NEB: variants seen among roughly 807,000 people sequenced by gnomAD.
NEB encodes the protein nemaline myopathy type 2.
Under a neutral mutation model 952.2 loss-of-function variants are expected in NEB, and 512 were observed. The observed-to-expected ratio is 0.54, with a 90% CI of 0.50 to 0.58. NEB has a LOEUF of 0.58. Among genes scored for constraint, NEB ranks in the 20% least tolerant of loss-of-function variants. NEB has a pLI of 0.00. For synonymous variants in NEB, 2,900 were observed against 3,149.8 expected, an observed-to-expected ratio of 0.92 and a Z score of 2.66; for missense variants, 8,428 against 9,231.1, an observed-to-expected ratio of 0.91 and a Z score of 3.56.
intron 56 of NEB, 63 bp downstream of exon 56, chr2:151,644,405 T>C (rs548977523): frequency 3.5e-6 from 5 of 1,441,414 alleles, no homozygotes; most frequent in East Asian, 4.6e-5. Flanking sequence ...TAAAATTAAA[T>C]TGAGACTGCT....
chr2:151,497,634 T>C lies in NEB; in HGVS notation c.24292A>G (p.Ile8098Val), dbSNP rs564643938. 3.8e-6 allele frequency: 6 copies of C among 1,574,940 alleles called. No homozygotes were observed. The highest frequency in any genetic ancestry group is 1.7e-4 in the Middle Eastern group (1 of 6,018). The change falls in exon 171 of 182, where the codon ATT (isoleucine) becomes GTT (valine). Residue 8098 changes from isoleucine (I) to valine (V), a missense_variant. By Grantham distance (29) the Ile-to-Val change is conservative. Around this residue, in one of 11 missense-constraint regions of NEB, gnomAD observed 3,374 missense variants for 3,651.5 expected, o/e 0.92. Transcript: ENST00000397345. ...MERVKHNQENISSVLYKENMG... is the reference protein window; with the variant it reads ...MERVKHNQENVSSVLYKENMG... The stretch of plus-strand genomic sequence containing the variant: ...TTTTCTTGCCAAAGTACCGAGCTAA[T>C]ATTTTCTTGATTGTGTTTGACTCTT...
At chr2:151,621,071 C>T (rs377374622) in intron 71 of NEB, 45 bp from the exon 72 acceptor site, 5 of 1,463,768 alleles carry the variant, frequency 3.4e-6, no homozygotes, top group African/African-American at 2.8e-5. Flanking sequence ...TTCACATTCA[C>T]TCGAAAAGTA....
intron 170 of NEB, 172 bp from the exon 171 acceptor site, chr2:151,497,890 C>A: frequency 6.7e-7 from 1 of 1,487,982 alleles, no homozygotes; most frequent in Non-Finnish European, 8.9e-7. Flanking sequence ...AATCTGCACC[C>A]TCTAGAGAAG....
intron 27 of NEB, among the ~76,000 whole-genome samples, chr2:151,686,602 C>T (rs1211792727): frequency 6.6e-6 from 1 of 151,874 alleles, no homozygotes; most frequent in Non-Finnish European, 1.5e-5. Flanking sequence ...AGAATAGATG[C>T]AAAATGAATT....
In NEB at chr2:151,540,465, G is replaced by T. The variant is rs1490368645; in HGVS notation, c.20788-17C>A. On this transcript the variant is annotated splice_polypyrimidine_tract_variant and intron_variant, in intron 137 of 181. Transcript: ENST00000397345. Reference sequence around the variant, plus strand: ...GTACTTTTTCTGAGAAATAAATGCAGAAGAGAGAGACAAGCTTAAGTGTCT... The same window carrying T: ...GTACTTTTTCTGAGAAATAAATGCATAAGAGAGAGACAAGCTTAAGTGTCT... 1 of 1,525,336 alleles carries T rather than the reference G, an allele frequency of 6.6e-7. No homozygotes were observed. Among genetic ancestry groups the T allele is most frequent in the East Asian group, 2.4e-5 (1 of 41,010 alleles). The allele number at this position is 1,525,336 out of a possible 1,614,324, so 94.5% of individuals were successfully genotyped here. A position where few individuals can be genotyped will look rare whatever the true frequency, so the allele number is the denominator to read the frequency against.
At chr2:151,655,762 G>C in intron 50 of NEB, 55 bp downstream of exon 50, 1 of 1,562,396 alleles carries the variant, frequency 6.4e-7, no homozygotes, top group Non-Finnish European at 8.8e-7. Context: ...AAGAACCAGA[G>C]CCTGCTAGCC....
intron 23 of NEB, 23 bp downstream of exon 23, chr2:151,691,841 A>G (rs1460419760): frequency 1.1e-5 from 16 of 1,520,806 alleles, no homozygotes; most frequent in Non-Finnish European, 1.1e-5. Flanking sequence ...CTCAATTTCA[A>G]TAATTCAGGG....
Position 151,565,536 on chromosome 2 carries a change from C to T in NEB, c.18331G>A (p.Val6111Ile). The change falls in exon 116 of 182, where the codon GTT (valine) becomes ATT (isoleucine). Residue 6111 changes from valine to isoleucine, a missense_variant. Transcript: ENST00000397345. The part of the protein sequence containing the change: ...FRSVVDPPEI[V>I]LAKINSVNQS... ...TTGACAGAATTAATCTTGGCTAAAA[C>T]AATCTCTGGAGGATCCACCACACTT... is the stretch of plus-strand genomic sequence containing the variant. The T allele has an allele frequency of 1.2e-6, 2 of 1,601,694 alleles. No individual in the cohort carries two copies. The highest frequency in any genetic ancestry group is 1.7e-4 in the Middle Eastern group (1 of 6,036).
Position 151,569,286 on chromosome 2 carries a change from G to A in NEB, c.17517C>T (p.Ala5839=), listed in dbSNP as rs369433731. The change falls in exon 110 of 182, where the codon GCC becomes GCT. Residue 5839 remains alanine, a synonymous_variant. Transcript: ENST00000397345. ...DSVSVNHAKH[A]ADIFSEKKYR... The stretch of plus-strand genomic sequence containing the variant: ...GGAATACCTCACTGAAGATGTCCGC[G>A]GCATGTTTGGCATGATTGACGGACA... 2.3e-5 allele frequency: 37 copies of A among 1,613,648 alleles called. 1 individual carries two copies. Among genetic ancestry groups the A allele is most frequent in the African/African-American group, 2.3e-4 (17 of 74,894 alleles).
chr2:151,577,353 G>T (rs1315714341), intron 105 of NEB, among the ~76,000 whole-genome samples: 2 of 152,092 alleles, frequency 1.3e-5, no homozygotes, highest in African/African-American at 4.8e-5. Context: ...AGTCTCATCA[G>T]CCCTCTTTGC....
chr2:151,569,179 T>C, intron 110 of NEB, 89 bp downstream of exon 110: 2 of 1,056,680 alleles, frequency 1.9e-6, no homozygotes, highest in South Asian at 2.7e-5. Flanking sequence ...TGGTTAAGAT[T>C]GCTGATATTA....
At chr2:151,518,059 G>A (rs531545323) in intron 156 of NEB, among the ~76,000 whole-genome samples, 10 of 152,010 alleles carry the variant, frequency 6.6e-5, no homozygotes, top group Non-Finnish European at 1.3e-4. Context: ...TACCATGAGG[G>A]GTTTGTCCCC....
In NEB at chr2:151,500,352, A is replaced by G. The variant is rs189366071; in HGVS notation, c.24022-962T>C. Among the ~76,000 whole-genome samples, 437 of 152,268 alleles carry G rather than the reference A, an allele frequency of 2.9e-3. 2 individuals are homozygous for G. Among genetic ancestry groups the G allele is most frequent in the African/African-American group, 0.01 (418 of 41,564 alleles). ...AAAATCCATCTAAATTTTCCTAATG[A>G]CATTTGATTCTCCATCACAGGTATA... On this transcript the variant is annotated intron_variant, in intron 168 of 181. Transcript: ENST00000397345.
At chr2:151,643,696 T>C in intron 57 of NEB, 122 bp downstream of exon 57, 1 of 1,445,224 alleles carries the variant, frequency 6.9e-7, no homozygotes, top group Non-Finnish European at 9.3e-7. Flanking sequence ...TCTGGGTGAC[T>C]AGATGCGCTT....
intron 26 of NEB, 24 bp from the exon 27 acceptor site, chr2:151,687,556 G>T (rs1350355461): frequency 6.2e-7 from 1 of 1,612,502 alleles, no homozygotes; most frequent in South Asian, 1.1e-5. Context: ...ACACATGCCA[G>T]ATCCCACTCA....
At chr2:151,687,339 T>C in intron 27 of NEB, 80 bp downstream of exon 27, 3 of 1,231,040 alleles carry the variant, frequency 2.4e-6, no homozygotes, top group Non-Finnish European at 3.5e-6. Context: ...GCTCATGAAA[T>C]TCTTTTCCAC....
At chr2:151,702,742 A>T (rs968785920) in intron 13 of NEB, among the ~76,000 whole-genome samples, 6 of 151,692 alleles carry the variant, frequency 4.0e-5, no homozygotes, top group Non-Finnish European at 8.8e-5. Flanking sequence ...CCATCCTTTT[A>T]TTTTGAGCCT....
intron 181 of NEB, among the ~76,000 whole-genome samples, chr2:151,489,597 A>G (rs558580429): frequency 1.5e-4 from 23 of 152,186 alleles, no homozygotes; most frequent in African/African-American, 4.3e-4. Flanking sequence ...AAGTCTCACT[A>G]TGTTGCCTAG....
At chr2:151,517,731 T>G (rs1303423961) in intron 156 of NEB, among the ~76,000 whole-genome samples, 1 of 152,190 alleles carries the variant, frequency 6.6e-6, no homozygotes, top group East Asian at 1.9e-4. Context: ...CAAGAGTATT[T>G]GTGTATCTTG....
Sources: allele counts gnomAD v4.1 joint callset (sites outside exome capture counted in the v4.1 genomes callset), GRCh38; gene constraint gnomAD v4.1.1; regional missense constraint gnomAD v4.1.1; transcripts MANE v1.5; gene names NCBI Gene and HGNC (gene_info 2026-07-23, HGNC 2026-07-21).